Variants in VPS33A observed in about 807,000 individuals in gnomAD.
The protein encoded by VPS33A is vacuolar protein sorting-associated protein 33A.
VPS33A carries 32 observed loss-of-function variants against 71.8 expected under a neutral mutation model. That is an observed-to-expected ratio of 0.45 (90% confidence interval 0.34 to 0.60). The LOEUF (loss-of-function observed/expected upper bound fraction) is 0.60, where lower values mean the gene tolerates loss of function less well. Among genes scored for constraint, VPS33A ranks in the 20% least tolerant of loss-of-function variants. The probability of loss-of-function intolerance (pLI) is 0.02; values close to 1 mark genes in which losing one functional copy is unlikely to be tolerated. For missense variants in VPS33A, 625 were observed against 748.5 expected, an observed-to-expected ratio of 0.84 and a Z score of 1.92; for synonymous variants, 311 against 292.7, an observed-to-expected ratio of 1.06 and a Z score of -0.64.
At chr12:122,256,224 C>A (rs1006213597) in intron 4 of VPS33A, among the ~76,000 whole-genome samples, 2 of 152,038 alleles carry the variant, frequency 1.3e-5, no homozygotes, top group Non-Finnish European at 2.9e-5. Flanking sequence ...ATTTTATGTA[C>A]TATACCAGCG....
intron 11 of VPS33A, 42 bp downstream of exon 11, chr12:122,235,744 A>G: frequency 6.3e-7 from 1 of 1,577,284 alleles, no homozygotes; most frequent in Non-Finnish European, 8.6e-7. Context: ...GGACGATCTA[A>G]CCAGTCCCTA....
At chr12:122,265,748 A>T (rs1467706616) in intron 1 of VPS33A, 2 of 452,708 alleles carry the variant, frequency 4.4e-6, no homozygotes, top group East Asian at 1.4e-4. Context: ...AGGAGAGGTG[A>T]CACTGTTTAA....
chr12:122,250,896 A>T (rs977132240), intron 5 of VPS33A, 87 bp downstream of exon 5: 14 of 924,842 alleles, frequency 1.5e-5, no homozygotes, highest in East Asian at 9.7e-5. Context: ...AGATCAACTG[A>T]ATTTGTTTGT....
intron 5 of VPS33A, 121 bp from the exon 6 acceptor site, chr12:122,250,166 G>T: frequency 1.8e-6 from 2 of 1,088,946 alleles, no homozygotes; most frequent in Non-Finnish European, 2.5e-6. Flanking sequence ...AGAGTGCATT[G>T]CTTAGAAATA....
At chr12:122,245,946 G>A (rs1954770704) in intron 6 of VPS33A, among the ~76,000 whole-genome samples, 1 of 152,128 alleles carries the variant, frequency 6.6e-6, no homozygotes, top group African/African-American at 2.4e-5. Context: ...TCTAGAATAA[G>A]CTTCCAAATT....
chr12:122,234,387 G>C lies in VPS33A; in HGVS notation c.1440+1399C>G, dbSNP rs79290168. 2.6e-5 allele frequency among the ~76,000 whole-genome samples: 4 copies of C among 152,198 alleles called. No homozygotes were observed. The East Asian group carries it at 5.8e-4, about 22-fold the overall frequency. The stretch of plus-strand genomic sequence containing the variant: ...CAACCTCCCAGGCTCAGCCTCCTGG[G>C]AGGCTCCCACCTCAGCCTTCTGAGT... On this transcript the variant is annotated intron_variant, in intron 11 of 12. Transcript: ENST00000267199.
chr12:122,233,899 AT>A (rs1954597144), intron 11 of VPS33A, among the ~76,000 whole-genome samples: 1 of 152,172 alleles, frequency 6.6e-6, no homozygotes, highest in Non-Finnish European at 1.5e-5. Context: ...CTGAACTAAT[AT>A]GTACATGATA....
Position 122,244,776 on chromosome 12 carries a change from G to C in VPS33A, c.776-14C>G. 1 of 1,605,588 alleles carries C rather than the reference G, an allele frequency of 6.2e-7. No individual in the cohort carries two copies. The highest frequency in any genetic ancestry group is 8.5e-7 in the Non-Finnish European group (1 of 1,173,596). On this transcript the variant is annotated splice_polypyrimidine_tract_variant and intron_variant, in intron 6 of 12. Coordinates refer to ENST00000267199, the MANE Select transcript of VPS33A (RefSeq NM_022916.6). Reference sequence around the variant, plus strand: ...ATTTCACATAACCTGAGCAGCAGTGGAAGGGAATAAGCACCTGTGTGCAAT... The same window carrying C: ...ATTTCACATAACCTGAGCAGCAGTGCAAGGGAATAAGCACCTGTGTGCAAT...
At chr12:122,251,246 T>C in intron 4 of VPS33A, 147 bp from the exon 5 acceptor site, 1 of 623,906 alleles carries the variant, frequency 1.6e-6, no homozygotes, top group South Asian at 2.0e-5. Context: ...CTCAAGTTCA[T>C]TTTCCAAAAC....
In VPS33A at chr12:122,261,393, A is replaced by G. The variant is rs1036730940; in HGVS notation, c.351T>C (p.Arg117=). 1 of 1,613,978 alleles carries G rather than the reference A, an allele frequency of 6.2e-7. No homozygotes were observed. Among genetic ancestry groups the G allele is most frequent in the Non-Finnish European group, 8.5e-7 (1 of 1,179,978 alleles). ...TCAACCGCTGTTCGCACAACAGGCT[A>G]CGGCGTGGCACAAACAGAATATGAA... ...RDFHILFVPR[R]SLLCEQRLKD... The change falls in exon 4 of 13, where the codon CGT becomes CGC. Residue 117 remains arginine (R), a synonymous_variant. Coordinates refer to ENST00000267199, the MANE Select transcript of VPS33A (RefSeq NM_022916.6).
chr12:122,262,307 T>G (rs1446933618), intron 3 of VPS33A, among the ~76,000 whole-genome samples: 1 of 152,216 alleles, frequency 6.6e-6, no homozygotes, highest in South Asian at 2.1e-4. Flanking sequence ...CATTTTAGCA[T>G]TCTCTTAAAC....
chr12:122,236,454 A>G (rs766120980), intron 10 of VPS33A, among the ~76,000 whole-genome samples: 8 of 152,156 alleles, frequency 5.3e-5, no homozygotes, highest in Non-Finnish European at 7.4e-5. Flanking sequence ...AGCCTGGCCA[A>G]CATGGTGAAA....
chr12:122,249,122 T>C (rs1367137061), intron 6 of VPS33A: 2 of 152,214 alleles, frequency 1.3e-5, no homozygotes, highest in Non-Finnish European at 2.9e-5. Flanking sequence ...AAATATAGTT[T>C]GGAATACACA....
At chr12:122,252,476 T>C (rs1388397035) in intron 4 of VPS33A, among the ~76,000 whole-genome samples, 1 of 152,020 alleles carries the variant, frequency 6.6e-6, no homozygotes, top group Non-Finnish European at 1.5e-5. Context: ...TTCACCATGT[T>C]AGCCCTGATG....
At chr12:122,256,253 C>T (rs1285676116) in intron 4 of VPS33A, among the ~76,000 whole-genome samples, 1 of 151,988 alleles carries the variant, frequency 6.6e-6, no homozygotes, top group Non-Finnish European at 1.5e-5. Flanking sequence ...AAGTTCTAGT[C>T]TCTACCTTCG....
chr12:122,248,897 G>C (rs1465335933), intron 6 of VPS33A: 2 of 152,180 alleles, frequency 1.3e-5, no homozygotes, highest in African/African-American at 2.4e-5. Context: ...GCCAACTCTT[G>C]TGTCACCGAC....
chr12:122,239,944 A>C lies in VPS33A; in HGVS notation c.1098T>G (p.Thr366=). 1 of 1,612,466 alleles carries C rather than the reference A, an allele frequency of 6.2e-7. No individual in the cohort carries two copies. Among genetic ancestry groups the C allele is most frequent in the South Asian group, 1.1e-5 (1 of 91,034 alleles). The change falls in exon 9 of 13, where the codon ACT becomes ACG. Residue 366 remains threonine, a splice_region_variant and synonymous_variant. Transcript: ENST00000267199. The stretch of plus-strand genomic sequence containing the variant: ...TTAATTTATCAAAAAAGTCTTCAGA[A>C]GCTAAAATGAAATTAGCAAATTTGC... ...SIAELIKDVT[T]SEDFFDKLTV...
At position 122,266,484 on chromosome 12, in the gene VPS33A, C is replaced by T. The variant is rs1566056740; in HGVS notation, c.-76G>A. The T allele has an allele frequency of 2.6e-6, 4 of 1,549,128 alleles. No individual in the cohort carries two copies. Among genetic ancestry groups the T allele is most frequent in the Non-Finnish European group, 3.5e-6 (4 of 1,141,510 alleles). On this transcript the variant is annotated 5_prime_UTR_variant, in exon 1 of 13. In the 5' UTR this introduces an upstream ATG that the reference lacks. Coordinates refer to ENST00000267199, the MANE Select transcript of VPS33A (RefSeq NM_022916.6). ...TACGGGAGGACCACGGACGCAGTCACGTGACCAAACGTCCACGTGACCGGT... is the reference window on the plus strand; with the variant it reads ...TACGGGAGGACCACGGACGCAGTCATGTGACCAAACGTCCACGTGACCGGT...
Position 122,257,374 on chromosome 12 carries a change from T to A in VPS33A, c.483+3887A>T, listed in dbSNP as rs541361615. On this transcript the variant is annotated intron_variant, in intron 4 of 12. Coordinates refer to ENST00000267199, the MANE Select transcript of VPS33A (RefSeq NM_022916.6). ...CCCAGAAGGCGGAGGTTGCAGTGAG[T>A]CGAGACTGTGCCACTGCACTCCAGC... Among the ~76,000 whole-genome samples, 269 of 118,058 alleles carry A rather than the reference T, an allele frequency of 2.3e-3. 1 individual carries two copies. The highest frequency in any genetic ancestry group is 9.1e-3 in the African/African-American group (260 of 28,712). The allele number at this position is 118,058 out of a possible 152,430, so 77.5% of individuals were successfully genotyped here.
Sources: gnomAD v4.1 joint callset for allele counts (sites outside exome capture counted in the v4.1 genomes callset) on GRCh38, gnomAD v4.1.1 for gene constraint, MANE v1.5 for transcripts, NCBI Gene and HGNC (gene_info 2026-07-23, HGNC 2026-07-21) for gene names.